The following EPB41L4B variants were observed in gnomAD, a reference collection of about 807,000 sequenced individuals.
The protein encoded by EPB41L4B is erythrocyte membrane protein band 4.1 like 4B.
In EPB41L4B, 30 loss-of-function variants were observed where a neutral mutation model predicts 112.5. The ratio of observed to expected loss-of-function variants is 0.27; its 90% CI spans 0.20 to 0.36. The LOEUF is 0.36. Among genes scored for constraint, EPB41L4B ranks in the 10% least tolerant of loss-of-function variants. EPB41L4B has a pLI of 1.00. For synonymous variants in EPB41L4B, 408 were observed against 439.7 expected, an observed-to-expected ratio of 0.93 and a Z score of 0.90; for missense variants, 1,024 against 1,133.3, an observed-to-expected ratio of 0.90 and a Z score of 1.38.
At chr9:109,286,628 CTCA>C (rs753834614) in intron 1 of EPB41L4B, among the ~76,000 whole-genome samples, 48 of 152,172 alleles carry the variant, frequency 3.2e-4, no homozygotes, top group Non-Finnish European at 4.7e-4. Flanking sequence ...TTGCCAATTG[CTCA>C]TCAAGTCCCA....
chr9:109,272,453 C>T (rs1164373264), intron 2 of EPB41L4B, among the ~76,000 whole-genome samples: 2 of 151,914 alleles, frequency 1.3e-5, no homozygotes, highest in African/African-American at 2.4e-5. Flanking sequence ...CAATAAGACC[C>T]TGTGTATATT....
rs745647013 is a variant in EPB41L4B at position 109,213,834 on chromosome 9, G to T, written c.1634-16C>A. 1.1e-5 allele frequency: 17 copies of T among 1,608,260 alleles called. No homozygotes were observed. In the Admixed American group the frequency reaches 2.8e-4, roughly 27 times the overall value. On this transcript the variant is annotated splice_polypyrimidine_tract_variant and intron_variant, in intron 16 of 25. Coordinates refer to ENST00000374566, the MANE Select transcript of EPB41L4B (RefSeq NM_019114.5). ...GGACTCAGTTCTACAAAGCAGCCAG[G>T]AGAAATAAATAAGGAAAGGTTGAAA... is the stretch of plus-strand genomic sequence containing the variant.
chr9:109,256,517 C>T, intron 7 of EPB41L4B, 37 bp from the exon 8 acceptor site: 1 of 1,577,520 alleles, frequency 6.3e-7, no homozygotes, highest in Non-Finnish European at 8.7e-7. Context: ...TAAACTGCGA[C>T]TCGTAAGCCC....
intron 19 of EPB41L4B, among the ~76,000 whole-genome samples, chr9:109,202,966 C>A (rs535970257): frequency 5.3e-5 from 8 of 152,116 alleles, no homozygotes; most frequent in African/African-American, 1.9e-4. Flanking sequence ...ACCAGCCTGG[C>A]CAACATAGTG....
intron 2 of EPB41L4B, among the ~76,000 whole-genome samples, chr9:109,273,820 A>G (rs1835714783): frequency 1.3e-5 from 2 of 152,138 alleles, no homozygotes; most frequent in Admixed American, 6.5e-5. Context: ...TGTAACATAG[A>G]TCCCCATAGA....
Position 109,258,221 on chromosome 9 carries a change from T to C in EPB41L4B, c.708A>G (p.Thr236=), listed in dbSNP as rs1418390522. 1 of 1,614,114 alleles carries C rather than the reference T, an allele frequency of 6.2e-7. No homozygotes were observed. Among genetic ancestry groups the C allele is most frequent in the Non-Finnish European group, 8.5e-7 (1 of 1,179,914 alleles). The part of the protein sequence containing the change: ...VSEFRFIPNQ[T]EAMEFDIFQR... The stretch of plus-strand genomic sequence containing the variant: ...GGAAGATATCAAATTCCATTGCTTC[T>C]GTCTGATTTGGAATGAACCGAAACT... Residue 236 remains threonine (T), a synonymous_variant, in exon 7 of 26, where the codon ACA becomes ACG. Transcript: ENST00000374566.
At chr9:109,190,279 T>C (rs900845242) in intron 22 of EPB41L4B, among the ~76,000 whole-genome samples, 5 of 152,112 alleles carry the variant, frequency 3.3e-5, no homozygotes, top group Non-Finnish European at 5.9e-5. Flanking sequence ...AATGACTACA[T>C]GGAAAAAGTA....
At chr9:109,309,174 C>T (rs1162315496) in intron 1 of EPB41L4B, among the ~76,000 whole-genome samples, 2 of 151,996 alleles carry the variant, frequency 1.3e-5, no homozygotes, top group Non-Finnish European at 2.9e-5. Flanking sequence ...CTGATAAGTA[C>T]GGAAATGAAG....
chr9:109,240,945 T>TGCTTAAATTCAAAGTA, intron 15 of EPB41L4B: 1 of 985,448 alleles, frequency 1.0e-6, no homozygotes, highest in South Asian at 4.7e-5. Context: ...TTAGTACGAC[T>TGCTTAAATTCAAAGTA]GCTTAAATTC....
chr9:109,182,851 T>C, intron 23 of EPB41L4B, 54 bp from the exon 24 acceptor site: 1 of 1,335,264 alleles, frequency 7.5e-7, no homozygotes, highest in Non-Finnish European at 1.1e-6. Context: ...AACAAAGTTT[T>C]GCAATCTTTG....
chr9:109,320,209 C>A lies in EPB41L4B; in HGVS notation c.238G>T (p.Ala80Ser). Residue 80 changes from alanine (A) to serine (S), a missense_variant, in exon 1 of 26, where the codon GCC (alanine) becomes TCC (serine). Ala to Ser is a moderately conservative substitution (Grantham distance 99, BLOSUM62 1). Transcript: ENST00000374566. ...GAAVHISAAG[A>S]AKATLYCRVF... ...CGGCAGTAGAGGGTGGCCTTGGCGG[C>A]GCCGGCGGCGGAGATGTGCACGGCC... 7.0e-7 allele frequency: 1 copy of A among 1,429,638 alleles called. No homozygotes were observed. The highest frequency in any genetic ancestry group is 1.5e-5 in the South Asian group (1 of 67,028). 88.6% of individuals were successfully genotyped at this position (1,429,638 alleles called of 1,614,324 possible).
At position 109,173,271 on chromosome 9, in the gene EPB41L4B, G is replaced by A. The variant is rs1588109382; in HGVS notation, c.*1283C>T. On this transcript the variant is annotated 3_prime_UTR_variant, in exon 26 of 26. Transcript: ENST00000374566. Reference sequence around the variant, plus strand: ...GAGGCTAAACTAGATGACCTTTAAGGTCCTTCCAACCCAAAGATTGGATCT... The same window carrying A: ...GAGGCTAAACTAGATGACCTTTAAGATCCTTCCAACCCAAAGATTGGATCT... 1 of 152,714 alleles carries A rather than the reference G, an allele frequency of 6.5e-6. No individual in the cohort carries two copies. Among genetic ancestry groups the A allele is most frequent in the African/African-American group, 2.4e-5 (1 of 41,532 alleles). The allele number at this position is 152,714 out of a possible 1,614,324, so 9.5% of individuals were successfully genotyped here. A position where few individuals can be genotyped will look rare whatever the true frequency, so the allele number is the denominator to read the frequency against.
intron 24 of EPB41L4B, among the ~76,000 whole-genome samples, chr9:109,181,963 C>T (rs7869988): frequency 0.3 from 45,462 of 151,982 alleles, 6,847 homozygotes; most frequent in East Asian, 0.38. Flanking sequence ...AATCCCAACA[C>T]TTTGGGAGGC....
rs1199212476 is a variant in EPB41L4B, at chr9:109,200,229, A to C, written c.2045+7T>G. 2 of 1,610,634 alleles carry C rather than the reference A, an allele frequency of 1.2e-6. No individual in the cohort carries two copies. The highest frequency in any genetic ancestry group is 2.7e-5 in the African/African-American group (2 of 74,838). On this transcript the variant is annotated splice_region_variant and intron_variant, in intron 20 of 25. Coordinates refer to ENST00000374566, the MANE Select transcript of EPB41L4B (RefSeq NM_019114.5). ...TTTAATTGAAAAAGTTGCAGTACAG[A>C]ACTCACAAACTATACTGTCTTGTTA...
At chr9:109,232,899 T>C (rs1219545879) in intron 15 of EPB41L4B, among the ~76,000 whole-genome samples, 1 of 152,220 alleles carries the variant, frequency 6.6e-6, no homozygotes, top group Non-Finnish European at 1.5e-5. Flanking sequence ...ATGAACATCC[T>C]TAGTTGGCCT....
intron 15 of EPB41L4B, chr9:109,240,189 C>A: frequency 1.0e-6 from 1 of 985,136 alleles, no homozygotes; most frequent in Non-Finnish European, 1.2e-6. Context: ...TCCTTGGAAA[C>A]ACATTTGTAA....
intron 14 of EPB41L4B, among the ~76,000 whole-genome samples, chr9:109,245,912 C>T (rs1216889057): frequency 6.6e-6 from 1 of 152,216 alleles, no homozygotes; most frequent in Non-Finnish European, 1.5e-5. Context: ...CTCATGTTCA[C>T]TCTAAGCAGA....
chr9:109,320,509 G>GC lies in EPB41L4B; in HGVS notation c.-64dup. The GC allele has an allele frequency of 1.1e-5, 10 of 914,872 alleles. No individual in the cohort carries two copies. The highest frequency in any genetic ancestry group is 4.8e-5 in the South Asian group (1 of 20,822). 56.7% of individuals were successfully genotyped at this position (914,872 alleles called of 1,614,324 possible). ...TGCCGCTGCCGCTGCCGCTGCCGCT[G>GC]CGCCGCCGCCCGGGAGCGTCCCGCG... On this transcript the variant is annotated 5_prime_UTR_variant, in exon 1 of 26. Transcript: ENST00000374566.
At chr9:109,194,779 G>C (rs192509740) in intron 20 of EPB41L4B, among the ~76,000 whole-genome samples, 11 of 152,150 alleles carry the variant, frequency 7.2e-5, no homozygotes, top group African/African-American at 2.6e-4. Flanking sequence ...TATTGATATT[G>C]AACGATAACT....
Sources: allele counts gnomAD v4.1 joint callset (sites outside exome capture counted in the v4.1 genomes callset), GRCh38; gene constraint gnomAD v4.1.1; transcripts MANE v1.5; gene names NCBI Gene and HGNC (gene_info 2026-07-23, HGNC 2026-07-21).